Variants in ZNF280C observed in about 807,000 individuals in gnomAD.
ZNF280C encodes the protein suppressor of hairy wing homolog 3.
Under a neutral mutation model 53.6 loss-of-function variants are expected in ZNF280C, and 14 were observed. The ratio of observed to expected loss-of-function variants is 0.26; its 90% confidence interval spans 0.17 to 0.41. ZNF280C has a LOEUF of 0.41. Among genes scored for constraint, ZNF280C ranks in the 10% least tolerant of loss-of-function variants. The pLI, the probability that ZNF280C is intolerant of heterozygous loss-of-function variation, is 1.00. For synonymous variants in ZNF280C, 203 were observed against 181.1 expected, an observed-to-expected ratio of 1.12 and a Z score of -0.97; for missense variants, 416 against 547.1, an observed-to-expected ratio of 0.76 and a Z score of 2.39.
At chrX:130,207,101 C>A (rs904622673) in intron 16 of ZNF280C, among the ~76,000 whole-genome samples, 10 of 111,207 alleles carry the variant, frequency 9.0e-5, no homozygotes, top group Non-Finnish European at 1.9e-4. Context: ...TGATGTGATA[C>A]CACCCCACCA....
intron 16 of ZNF280C, among the ~76,000 whole-genome samples, chrX:130,206,361 GTT>G (rs1048503644): frequency 1.4e-5 from 1 of 73,474 alleles, no homozygotes; most frequent in South Asian, 6.9e-4. Flanking sequence ...GACTTCTTTA[GTT>G]TTTTTTTTTT....
intron 9 of ZNF280C, among the ~76,000 whole-genome samples, chrX:130,229,592 T>C (rs1359259430): frequency 1.8e-5 from 2 of 112,352 alleles, no homozygotes; most frequent in Non-Finnish European, 3.8e-5. Flanking sequence ...ACTGCTGGTA[T>C]ATTTTTATTT....
chrX:130,267,574 C>T (rs2124721053), intron 1 of ZNF280C, among the ~76,000 whole-genome samples: 1 of 111,634 alleles, frequency 9.0e-6, no homozygotes, highest in African/African-American at 3.3e-5. Flanking sequence ...GGGGTGCTAC[C>T]AATGAAATAT....
intron 15 of ZNF280C, among the ~76,000 whole-genome samples, chrX:130,210,310 C>G (rs1274896021): frequency 8.9e-6 from 1 of 112,102 alleles, no homozygotes; most frequent in Non-Finnish European, 1.9e-5. Context: ...CTTAGATGAT[C>G]AGTACCTCAC....
chrX:130,207,730 T>C (rs2031991623), intron 16 of ZNF280C, among the ~76,000 whole-genome samples: 1 of 112,050 alleles, frequency 8.9e-6, no homozygotes, highest in Non-Finnish European at 1.9e-5. Context: ...CTCCTAGTTA[T>C]TCATTGTCAT....
chrX:130,212,191 G>A (rs190905022), intron 15 of ZNF280C, among the ~76,000 whole-genome samples: 1 of 111,952 alleles, frequency 8.9e-6, no homozygotes, highest in African/African-American at 3.2e-5. Context: ...TTATGCAAAT[G>A]ATGCCCTGAA....
chrX:130,204,729 CA>C lies in ZNF280C; in HGVS notation c.*247del, dbSNP rs2031952798. ...GCAAGTCAAGTATAGCAGAGAAAAA[CA>C]AAAGGCATTTTTGGAGAGAGCCAAC... On this transcript the variant is annotated 3_prime_UTR_variant, in exon 19 of 19. Coordinates refer to ENST00000370978, the MANE Select transcript of ZNF280C (RefSeq NM_017666.5). 3 of 279,283 alleles carry C rather than the reference CA, an allele frequency of 1.1e-5. No individual in the cohort carries two copies. The East Asian group carries it at 1.6e-4, about 15-fold the overall frequency. 23.0% of individuals were successfully genotyped at this position (279,283 alleles called of 1,213,427 possible). A position where few individuals can be genotyped will look rare whatever the true frequency, so the allele number is the denominator to read the frequency against.
At chrX:130,224,748 T>A (rs1271443789) in intron 12 of ZNF280C, among the ~76,000 whole-genome samples, 1 of 111,318 alleles carries the variant, frequency 9.0e-6, no homozygotes, top group Non-Finnish European at 1.9e-5. Context: ...CTCTCTTGAG[T>A]CTAAGAGCTT....
chrX:130,234,202 G>A (rs2032308011), intron 8 of ZNF280C, among the ~76,000 whole-genome samples: 1 of 112,003 alleles, frequency 8.9e-6, no homozygotes, highest in African/African-American at 3.2e-5. Context: ...GAAAGTAAAA[G>A]GATAAGCAAA....
intron 15 of ZNF280C, among the ~76,000 whole-genome samples, chrX:130,213,297 C>T (rs1212514697): frequency 9.8e-5 from 11 of 112,188 alleles, no homozygotes; most frequent in African/African-American, 3.2e-4. Context: ...GGCATGAACC[C>T]GGGAGGCGGA....
At chrX:130,255,870 G>T (rs774286988) in intron 2 of ZNF280C, among the ~76,000 whole-genome samples, 1 of 111,777 alleles carries the variant, frequency 8.9e-6, no homozygotes, top group Non-Finnish European at 1.9e-5. Flanking sequence ...CACAAGAATC[G>T]CCTCAACCCA....
chrX:130,216,712 T>A (rs1471493256), intron 13 of ZNF280C, among the ~76,000 whole-genome samples: 1 of 112,040 alleles, frequency 8.9e-6, no homozygotes, highest in Non-Finnish European at 1.9e-5. Context: ...AAAAACAGTT[T>A]GGCAGGCTGG....
intron 15 of ZNF280C, 57 bp downstream of exon 15, chrX:130,215,136 C>CA: frequency 1.7e-6 from 2 of 1,176,539 alleles, no homozygotes; most frequent in Non-Finnish European, 1.1e-6. Context: ...ACTCTGTTTT[C>CA]AAAAAACAAA....
intron 13 of ZNF280C, among the ~76,000 whole-genome samples, chrX:130,219,578 TG>T (rs1044759908): frequency 7.3e-5 from 8 of 109,324 alleles, no homozygotes; most frequent in African/African-American, 2.7e-4. Context: ...GATGTGTGCT[TG>T]CTCATGAAAA....
chrX:130,229,151 A>G lies in ZNF280C; in HGVS notation c.990-17T>C, dbSNP rs1402873685. 8.5e-7 allele frequency: 1 copy of G among 1,177,964 alleles called. No individual in the cohort carries two copies. Among genetic ancestry groups the G allele is most frequent in the South Asian group, 1.9e-5 (1 of 51,488 alleles). On this transcript the variant is annotated splice_polypyrimidine_tract_variant and intron_variant, in intron 9 of 18. Coordinates refer to ENST00000370978, the MANE Select transcript of ZNF280C (RefSeq NM_017666.5). ...TTCATAAACCTACAAACAATTTGCC[A>G]GTAAGAGCAAAAATTCAGACTTATA...
At position 130,220,362 on chromosome X, in the gene ZNF280C, G is replaced by T; in HGVS notation, c.1514C>A (p.Pro505His). 8.7e-7 allele frequency: 1 copy of T among 1,152,716 alleles called. No individual in the cohort carries two copies. Among genetic ancestry groups the T allele is most frequent in the Non-Finnish European group, 1.2e-6 (1 of 867,055 alleles). The allele number at this position is 1,152,716 out of a possible 1,213,427, so 95.0% of individuals were successfully genotyped here. ...FIKPKELEGL[P>H]PGAKVTIRAS... ...TCACAAACTCACTTTTGCTCCAGGA[G>T]GCAATCCTTCTAGTTCTTTAGGCTT... Residue 505 changes from proline (P) to histidine (H), a missense_variant, in exon 13 of 19, where the codon CCT becomes CAT. Around this residue, in one of 3 missense-constraint regions of ZNF280C, gnomAD observed 72 missense variants for 168.8 expected, o/e 0.43. Transcript: ENST00000370978.
At chrX:130,248,929 C>G (rs2032477332) in intron 2 of ZNF280C, among the ~76,000 whole-genome samples, 1 of 111,996 alleles carries the variant, frequency 8.9e-6, no homozygotes, top group African/African-American at 3.2e-5. Flanking sequence ...GCACCCTGCC[C>G]TGCCTGCTGC....
chrX:130,249,487 A>G (rs1182670232), intron 2 of ZNF280C, among the ~76,000 whole-genome samples: 1 of 112,142 alleles, frequency 8.9e-6, no homozygotes, highest in Non-Finnish European at 1.9e-5. Flanking sequence ...TTGAGAAGCC[A>G]GAGAAAAAAG....
chrX:130,221,762 G>A (rs775042608), intron 12 of ZNF280C, among the ~76,000 whole-genome samples: 27 of 111,296 alleles, frequency 2.4e-4, no homozygotes, highest in Admixed American at 5.7e-4. Context: ...CCACTTACGC[G>A]GACTCTTGCA....
Sources: gnomAD v4.1 joint callset for allele counts (sites outside exome capture counted in the v4.1 genomes callset) on GRCh38, gnomAD v4.1.1 for gene constraint, gnomAD v4.1.1 regional missense constraint, MANE v1.5 for transcripts, NCBI Gene and HGNC (gene_info 2026-07-23, HGNC 2026-07-21) for gene names.